KLHL1: variants seen among roughly 807,000 people sequenced by gnomAD.
KLHL1 encodes kelch-like protein 1.
KLHL1 carries 47 observed loss-of-function variants against 77.7 expected under a neutral mutation model. That is an observed-to-expected ratio of 0.60 (90% CI 0.48 to 0.77). The LOEUF (loss-of-function observed/expected upper bound fraction) is 0.77, where lower values mean the gene tolerates loss of function less well. KLHL1 is among the 30% of genes least tolerant of loss of function. The pLI, the probability that KLHL1 is intolerant of heterozygous loss-of-function variation, is 0.00. For synonymous variants in KLHL1, 360 were observed against 325.2 expected (o/e 1.11, Z -1.15); for missense variants, 925 against 910.8 (o/e 1.02, Z -0.20).
chr13:69,709,672 T>C (rs1875789526), intron 9 of KLHL1, among the ~76,000 whole-genome samples: 1 of 152,016 alleles, frequency 6.6e-6, no homozygotes, highest in Admixed American at 6.6e-5. Flanking sequence ...ATTATTTTTG[T>C]TTGTTTCTGG....
Position 69,797,075 on chromosome 13 carries a change from T to A in KLHL1, c.1415-113A>T, listed in dbSNP as rs771381695. 4.1e-5 allele frequency: 34 copies of A among 837,322 alleles called. 1 individual carries two copies. The highest frequency in any genetic ancestry group is 6.8e-5 in the South Asian group (4 of 58,502). 51.9% of individuals were successfully genotyped at this position (837,322 alleles called of 1,614,324 possible). ...ACACTCTTGTCATATTCATTTTTTT[T>A]AAAAGAAAAAGTGGCAGAAAAACAA... On this transcript the variant is annotated intron_variant, in intron 6 of 10. Transcript: ENST00000377844.
chr13:69,918,280 T>C (rs1287717800), intron 4 of KLHL1, among the ~76,000 whole-genome samples: 1 of 151,936 alleles, frequency 6.6e-6, no homozygotes, highest in East Asian at 1.9e-4. Flanking sequence ...ATAGCTTCTT[T>C]AGTTTTTATG....
intron 7 of KLHL1, among the ~76,000 whole-genome samples, chr13:69,763,870 C>T (rs897421807): frequency 2.0e-5 from 3 of 152,144 alleles, no homozygotes; most frequent in African/African-American, 7.2e-5. Flanking sequence ...CAGGAGATTC[C>T]AGCATAATAA....
chr13:70,088,443 A>G (rs779666710), intron 1 of KLHL1, among the ~76,000 whole-genome samples: 2 of 152,146 alleles, frequency 1.3e-5, no homozygotes, highest in Non-Finnish European at 2.9e-5. Flanking sequence ...ACTTGGGGAG[A>G]TGAAGGATGG....
chr13:69,801,792 T>C (rs1347993078), intron 6 of KLHL1, among the ~76,000 whole-genome samples: 1 of 152,204 alleles, frequency 6.6e-6, no homozygotes, highest in Non-Finnish European at 1.5e-5. Flanking sequence ...TGTGTAGCAT[T>C]TGTAGTAATA....
At chr13:69,759,710 G>A (rs1479522506) in intron 7 of KLHL1, among the ~76,000 whole-genome samples, 4 of 152,010 alleles carry the variant, frequency 2.6e-5, no homozygotes, top group Non-Finnish European at 2.9e-5. Context: ...CCTTAAATTC[G>A]CATTTCTACA....
Position 69,975,741 on chromosome 13 carries a change from C to A in KLHL1, c.559G>T (p.Glu187Ter). ...QSDLDSSSSE[E>*]FYQAVHHAEQ... is the part of the protein sequence containing the mutation. ...GCATGATGAACAGCTTGATAGAATT[C>A]TTCAGAGCTACTGGAGTCCAAATCA... The change falls in exon 2 of 11, where the codon GAA (glutamate) becomes TAA (stop). Residue 187 changes from glutamate (E) to a stop codon, truncating the protein, a stop_gained. Transcript: ENST00000377844. LOFTEE classifies it high-confidence loss of function. 2 of 1,613,482 alleles carry A rather than the reference C, an allele frequency of 1.2e-6. No homozygotes were observed. Among genetic ancestry groups the A allele is most frequent in the Non-Finnish European group, 1.7e-6 (2 of 1,179,768 alleles).
At chr13:70,084,623 T>G (rs12869109) in intron 1 of KLHL1, among the ~76,000 whole-genome samples, 4 of 48,128 alleles carry the variant, frequency 8.3e-5, no homozygotes, top group Non-Finnish European at 1.7e-4. Context: ...CACGCCAGGC[T>G]TTTTTTTTTT....
chr13:69,737,997 G>A (rs115834098), intron 8 of KLHL1, among the ~76,000 whole-genome samples: 2 of 152,130 alleles, frequency 1.3e-5, no homozygotes, highest in African/African-American at 4.8e-5. Context: ...GCTGGCATCA[G>A]GTTGGTGCCC....
At chr13:70,019,961 A>C (rs1885749347) in intron 1 of KLHL1, among the ~76,000 whole-genome samples, 1 of 152,130 alleles carries the variant, frequency 6.6e-6, no homozygotes, top group Non-Finnish European at 1.5e-5. Flanking sequence ...CTCTTCTGCT[A>C]TTCTGCCTTT....
chr13:69,827,385 T>C (rs887689500), intron 6 of KLHL1, among the ~76,000 whole-genome samples: 2 of 152,084 alleles, frequency 1.3e-5, no homozygotes, highest in South Asian at 2.1e-4. Context: ...ATAAAAATAA[T>C]ATAATAAGAA....
intron 6 of KLHL1, among the ~76,000 whole-genome samples, chr13:69,820,843 A>T (rs927944575): frequency 6.6e-6 from 1 of 152,248 alleles, no homozygotes; most frequent in African/African-American, 2.4e-5. Flanking sequence ...TGGGTCAAAC[A>T]AATGTGACGT....
chr13:69,737,979 G>C (rs1593786300), intron 8 of KLHL1, among the ~76,000 whole-genome samples: 1 of 152,300 alleles, frequency 6.6e-6, no homozygotes, highest in East Asian at 1.9e-4. Flanking sequence ...TTGTACAGCA[G>C]TGTTCAGGCT....
intron 4 of KLHL1, among the ~76,000 whole-genome samples, chr13:69,934,289 CTTT>C (rs1433625710): frequency 6.6e-6 from 1 of 152,086 alleles, no homozygotes; most frequent in Admixed American, 6.6e-5. Context: ...ACCTCACTCT[CTTT>C]TTTATTTCTC....
At chr13:69,940,386 A>T (rs1425691427) in intron 3 of KLHL1, 150 bp from the exon 4 acceptor site, 14 of 544,340 alleles carry the variant, frequency 2.6e-5, no homozygotes, top group Non-Finnish European at 4.2e-5. Context: ...AAAGGTCACC[A>T]ATTGTTTTAA....
intron 1 of KLHL1, among the ~76,000 whole-genome samples, chr13:70,104,108 G>C (rs759305221): frequency 6.6e-6 from 1 of 152,094 alleles, no homozygotes; most frequent in South Asian, 2.1e-4. Context: ...ACTACATATG[G>C]AATCTTGGGC....
Position 69,916,390 on chromosome 13 carries a change from C to T in KLHL1, c.1014+23650G>A, listed in dbSNP as rs1241992621. Among the ~76,000 whole-genome samples, 22 of 152,018 alleles carry T rather than the reference C, an allele frequency of 1.4e-4. No individual in the cohort carries two copies. The East Asian group carries it at 3.7e-3, about 25-fold the overall frequency. On this transcript the variant is annotated intron_variant, in intron 4 of 10. Coordinates refer to ENST00000377844, the MANE Select transcript of KLHL1 (RefSeq NM_020866.3). Reference sequence around the variant, plus strand: ...ATCAAGAAAATGTGGCACATATACACCATGGAATACTATGCAGCCATAAAA... The same window carrying T: ...ATCAAGAAAATGTGGCACATATACATCATGGAATACTATGCAGCCATAAAA...
At chr13:69,785,399 A>G (rs867742133) in intron 7 of KLHL1, among the ~76,000 whole-genome samples, 2,250 of 152,268 alleles carry the variant, frequency 0.015, 54 homozygotes, top group African/African-American at 0.05. Flanking sequence ...CTGCTCCTCA[A>G]TGACTACTGG....
At chr13:69,986,953 C>T (rs532319041) in intron 1 of KLHL1, among the ~76,000 whole-genome samples, 1 of 151,686 alleles carries the variant, frequency 6.6e-6, no homozygotes, top group East Asian at 1.9e-4. Context: ...TATTAGATAT[C>T]CAACAGTAAA....
Sources: gnomAD v4.1 joint callset for allele counts (sites outside exome capture counted in the v4.1 genomes callset) on GRCh38, gnomAD v4.1.1 for gene constraint, MANE v1.5 for transcripts, NCBI Gene and HGNC (gene_info 2026-07-23, HGNC 2026-07-21) for gene names.